The following RASGRP1 variants were observed in gnomAD, a reference collection of about 807,000 sequenced individuals.
The protein encoded by RASGRP1 is RAS guanyl releasing protein 1.
Under a neutral mutation model 95.1 loss-of-function variants are expected in RASGRP1, and 37 were observed. That is an observed-to-expected ratio of 0.39 (90% confidence interval 0.30 to 0.51). The LOEUF (loss-of-function observed/expected upper bound fraction) is 0.51, where lower values mean the gene tolerates loss of function less well. Among genes scored for constraint, RASGRP1 ranks in the 20% least tolerant of loss-of-function variants. The probability of loss-of-function intolerance (pLI) is 0.80; values close to 1 mark genes in which losing one functional copy is unlikely to be tolerated. For missense variants in RASGRP1, 711 were observed against 965.4 expected (o/e 0.74, Z 3.49); for synonymous variants, 325 against 353.4 (o/e 0.92, Z 0.90).
intron 2 of RASGRP1, among the ~76,000 whole-genome samples, chr15:38,551,218 TA>T (rs1893326237): frequency 1.3e-5 from 2 of 152,228 alleles, no homozygotes; most frequent in Admixed American, 1.3e-4. Flanking sequence ...ATCCTAAGAA[TA>T]TTGACTCTTC....
chr15:38,507,236 TC>T (rs2141102863), intron 9 of RASGRP1, among the ~76,000 whole-genome samples: 1 of 152,308 alleles, frequency 6.6e-6, no homozygotes, highest in South Asian at 2.1e-4. Flanking sequence ...AATCCTGGTC[TC>T]CCACACCATT....
chr15:38,489,585 C>A lies in RASGRP1; in HGVS notation c.*969G>T, dbSNP rs1317134532. ...TACACACAGTCAGCTATTATTTAAG[C>A]CACTGATCCAATTAGCTTATTTCTA... On this transcript the variant is annotated 3_prime_UTR_variant, in exon 17 of 17. Coordinates refer to ENST00000310803, the MANE Select transcript of RASGRP1 (RefSeq NM_005739.4). 1 of 152,376 alleles carries A rather than the reference C, an allele frequency of 6.6e-6. No homozygotes were observed. Among genetic ancestry groups the A allele is most frequent in the African/African-American group, 2.4e-5 (1 of 41,384 alleles). The allele number at this position is 152,376 out of a possible 1,614,324, so 9.4% of individuals were successfully genotyped here. A position where few individuals can be genotyped will look rare whatever the true frequency, so the allele number is the denominator to read the frequency against.
chr15:38,539,656 G>A (rs1892789315), intron 2 of RASGRP1, among the ~76,000 whole-genome samples: 1 of 151,526 alleles, frequency 6.6e-6, no homozygotes, highest in African/African-American at 2.4e-5. Flanking sequence ...GTGCCATGCT[G>A]GTGTGCCGCA....
At chr15:38,501,545 CACTATCTATAAG>C (rs1891023729) in intron 12 of RASGRP1, 1 of 600,460 alleles carries the variant, frequency 1.7e-6, no homozygotes, top group East Asian at 3.5e-5. Context: ...CTAACTTGAC[CACTATCTATAAG>C]ACTTGAAAAA....
chr15:38,559,673 C>A, intron 2 of RASGRP1, 148 bp downstream of exon 2: 1 of 786,064 alleles, frequency 1.3e-6, no homozygotes, highest in Middle Eastern at 2.9e-4. Context: ...GTGCCATAGG[C>A]TCTGCAGACT....
rs1222102831 is a variant in RASGRP1 at position 38,564,714 on chromosome 15, G to A, written c.-86C>T. ...CCCGCCACCACCGCCGCCGCCTGCC[G>A]GCTCTCTCCCCCCCGGGCCTCGTAG... On this transcript the variant is annotated 5_prime_UTR_variant, in exon 1 of 17. Coordinates refer to ENST00000310803, the MANE Select transcript of RASGRP1 (RefSeq NM_005739.4). 2.1e-5 allele frequency: 23 copies of A among 1,121,418 alleles called. No homozygotes were observed. The highest frequency in any genetic ancestry group is 2.4e-5 in the Non-Finnish European group (22 of 905,802). 69.5% of individuals were successfully genotyped at this position (1,121,418 alleles called of 1,614,324 possible).
intron 2 of RASGRP1, among the ~76,000 whole-genome samples, chr15:38,545,994 G>A (rs994442201): frequency 2.6e-5 from 4 of 151,998 alleles, no homozygotes; most frequent in African/African-American, 9.7e-5. Flanking sequence ...ATAGCTGTTC[G>A]TGTCTATTAT....
chr15:38,556,489 CAG>C (rs1893557365), intron 2 of RASGRP1, among the ~76,000 whole-genome samples: 1 of 152,220 alleles, frequency 6.6e-6, no homozygotes, highest in Admixed American at 6.5e-5. Context: ...AAGCAATACT[CAG>C]ACTCTTATCT....
intron 13 of RASGRP1, 138 bp downstream of exon 13, chr15:38,501,005 G>T: frequency 1.9e-6 from 2 of 1,026,388 alleles, no homozygotes; most frequent in East Asian, 2.6e-5. Context: ...CCACACGCTT[G>T]AGCTCTAGGT....
At position 38,494,651 on chromosome 15, in the gene RASGRP1, G is replaced by C; in HGVS notation, c.1990C>G (p.Leu664Val). 6.5e-7 allele frequency: 1 copy of C among 1,550,090 alleles called. No homozygotes were observed. The highest frequency in any genetic ancestry group is 8.7e-7 in the Non-Finnish European group (1 of 1,154,134). ...GVSSQKISLR[L>V]KRAVAHKATQ... ...GCCTTGTGGGCAACAGCCCTCTTCA[G>C]CCGAAGAGAAATCTTCTGTGAGGAC... The change falls in exon 16 of 17, where the codon CTG becomes GTG. Residue 664 changes from leucine to valine, a missense_variant. Coordinates refer to ENST00000310803, the MANE Select transcript of RASGRP1 (RefSeq NM_005739.4).
chr15:38,496,692 C>T (rs1199554248), intron 15 of RASGRP1, among the ~76,000 whole-genome samples: 1 of 152,028 alleles, frequency 6.6e-6, no homozygotes, highest in South Asian at 2.1e-4. Context: ...CCCCTAAGAA[C>T]AAAACACCCC....
At chr15:38,498,738 A>C in intron 15 of RASGRP1, 56 bp downstream of exon 15, 1 of 1,582,364 alleles carries the variant, frequency 6.3e-7, no homozygotes, top group East Asian at 2.2e-5. Flanking sequence ...TCCGTCTCTA[A>C]AACTTTTCCC....
chr15:38,509,596 C>A (rs1459723689), intron 8 of RASGRP1, among the ~76,000 whole-genome samples: 3 of 152,228 alleles, frequency 2.0e-5, no homozygotes, highest in East Asian at 3.9e-4. Context: ...CGTGGTGGCA[C>A]ACGCCTGTAG....
Position 38,538,047 on chromosome 15 carries a change from CGAGGTCAG to C in RASGRP1, c.221-11651_221-11644del, listed in dbSNP as rs1892727037. On this transcript the variant is annotated intron_variant, in intron 2 of 16. Transcript: ENST00000310803. ...GGGAGGCTGAGGCAGGCAGATTACC[CGAGGTCAG>C]GAGTTCAAGACCAGCCTAGCCAACA... is the stretch of plus-strand genomic sequence containing the variant. Among the ~76,000 whole-genome samples the C allele has an allele frequency of 2.6e-5, 4 of 152,192 alleles. No homozygotes were observed. In the South Asian group the frequency reaches 8.3e-4, roughly 32 times the overall value.
At chr15:38,528,145 T>C (rs1355092296) in intron 2 of RASGRP1, among the ~76,000 whole-genome samples, 1 of 152,086 alleles carries the variant, frequency 6.6e-6, no homozygotes, top group Non-Finnish European at 1.5e-5. Context: ...CTCAAGGACG[T>C]TGATCCTGCA....
At chr15:38,543,520 A>G (rs763498449) in intron 2 of RASGRP1, among the ~76,000 whole-genome samples, 17 of 132,426 alleles carry the variant, frequency 1.3e-4, no homozygotes, top group Non-Finnish European at 2.5e-4. Flanking sequence ...AGGTCCTTTC[A>G]TGTCCATTTA....
chr15:38,562,165 G>C (rs1893834706), intron 1 of RASGRP1, among the ~76,000 whole-genome samples: 1 of 152,196 alleles, frequency 6.6e-6, no homozygotes, highest in South Asian at 2.1e-4. Flanking sequence ...ATTAGTAGTA[G>C]ACAATCACAG....
chr15:38,527,430 C>A (rs1293206116), intron 2 of RASGRP1, among the ~76,000 whole-genome samples: 1 of 152,192 alleles, frequency 6.6e-6, no homozygotes, highest in Non-Finnish European at 1.5e-5. Flanking sequence ...CTCGTTGGAT[C>A]TAATACTATT....
chr15:38,549,041 T>C (rs1163895817), intron 2 of RASGRP1, among the ~76,000 whole-genome samples: 1 of 152,188 alleles, frequency 6.6e-6, no homozygotes, highest in East Asian at 1.9e-4. Flanking sequence ...GTGCTCATCC[T>C]TGGCAATAAA....
Sources: gnomAD v4.1 joint callset for allele counts (sites outside exome capture counted in the v4.1 genomes callset) on GRCh38, gnomAD v4.1.1 for gene constraint, MANE v1.5 for transcripts, NCBI Gene and HGNC (gene_info 2026-07-23, HGNC 2026-07-21) for gene names.